Variants in EXT2 observed in about 807,000 individuals in gnomAD.
EXT2 encodes exostosin-2.
In EXT2, 53 loss-of-function variants were observed where a neutral mutation model predicts 81.6. The observed-to-expected ratio is 0.65, with a 90% CI of 0.52 to 0.82. The LOEUF (loss-of-function observed/expected upper bound fraction) is 0.82. Ranked by LOEUF, EXT2 falls within the 40% of genes least tolerant of loss-of-function variation. The pLI is 0.00. For synonymous variants in EXT2, 320 were observed against 340.0 expected (o/e 0.94, Z 0.65); for missense variants, 774 against 910.2 (o/e 0.85, Z 1.93).
intron 7 of EXT2, among the ~76,000 whole-genome samples, chr11:44,142,731 G>GA (rs1357705447): frequency 3.3e-5 from 5 of 152,152 alleles, no homozygotes; most frequent in African/African-American, 4.8e-5. Context: ...TCTGGCATTT[G>GA]ATGGGAATGA....
intron 10 of EXT2, among the ~76,000 whole-genome samples, chr11:44,218,071 G>A (rs905960694): frequency 2.6e-5 from 4 of 152,142 alleles, no homozygotes; most frequent in African/African-American, 9.7e-5. Flanking sequence ...TACAACCTGG[G>A]CATCTTGTAG....
At chr11:44,157,941 A>G (rs1289269181) in intron 7 of EXT2, among the ~76,000 whole-genome samples, 1 of 152,176 alleles carries the variant, frequency 6.6e-6, no homozygotes, top group African/African-American at 2.4e-5. Context: ...AGCAGACTGA[A>G]TCCTACCAGC....
intron 7 of EXT2, among the ~76,000 whole-genome samples, chr11:44,160,494 G>A (rs910791029): frequency 6.6e-6 from 1 of 152,140 alleles, no homozygotes; most frequent in Admixed American, 6.5e-5. Context: ...TTTAGTAGAT[G>A]GAAGAACATG....
chr11:44,201,575 G>C (rs994318198), intron 9 of EXT2, among the ~76,000 whole-genome samples: 2 of 152,108 alleles, frequency 1.3e-5, no homozygotes, highest in Non-Finnish European at 2.9e-5. Flanking sequence ...AAGCCCCTCT[G>C]TGTCTATTTA....
At chr11:44,189,126 A>C (rs1955357311) in intron 8 of EXT2, among the ~76,000 whole-genome samples, 2 of 152,238 alleles carry the variant, frequency 1.3e-5, no homozygotes, top group African/African-American at 4.8e-5. Flanking sequence ...TTCAGATATC[A>C]GTCATGGTAC....
intron 8 of EXT2, among the ~76,000 whole-genome samples, chr11:44,190,449 C>T (rs938810777): frequency 6.6e-6 from 1 of 152,128 alleles, no homozygotes; most frequent in Non-Finnish European, 1.5e-5. Flanking sequence ...GTATAGCAGG[C>T]CTGTCCTCTT....
intron 7 of EXT2, among the ~76,000 whole-genome samples, chr11:44,142,519 C>A (rs1435820463): frequency 1.3e-5 from 2 of 152,126 alleles, no homozygotes; most frequent in African/African-American, 4.8e-5. Flanking sequence ...CCTTCAGATT[C>A]CAATACTTTC....
chr11:44,178,783 TA>T (rs1955193746), intron 8 of EXT2, among the ~76,000 whole-genome samples: 1 of 145,482 alleles, frequency 6.9e-6, no homozygotes, highest in African/African-American at 2.6e-5. Flanking sequence ...ATCTTCCTCC[TA>T]CTGCCTAGAT....
intron 10 of EXT2, among the ~76,000 whole-genome samples, chr11:44,209,107 G>T (rs1955617445): frequency 6.6e-6 from 1 of 152,140 alleles, no homozygotes; most frequent in African/African-American, 2.4e-5. Context: ...ACATAAAATG[G>T]TAATGACAAT....
chr11:44,237,460 A>C (rs1036192786), intron 13 of EXT2, among the ~76,000 whole-genome samples: 1 of 152,192 alleles, frequency 6.6e-6, no homozygotes, highest in Non-Finnish European at 1.5e-5. Flanking sequence ...CACTGGTATC[A>C]TAAGTATTTC....
intron 7 of EXT2, among the ~76,000 whole-genome samples, chr11:44,170,933 C>T (rs1294862235): frequency 3.3e-5 from 5 of 152,106 alleles, no homozygotes; most frequent in African/African-American, 7.2e-5. Context: ...GAAGAAATAA[C>T]GCTGATCTTG....
chr11:44,251,125 A>T lies in EXT2; in HGVS notation c.*6838A>T, dbSNP rs1231589173. ...TCACCAGTTGGTTTGATATCTTACA[A>T]CTTGGCCAAATGAGGGTTCCATTAA... On this transcript the variant is annotated 3_prime_UTR_variant, in exon 14 of 14. Coordinates refer to ENST00000533608, the MANE Select transcript of EXT2 (RefSeq NM_207122.2). Among the ~76,000 whole-genome samples the T allele has an allele frequency of 6.6e-6, 1 of 152,148 alleles. No homozygotes were observed. Among genetic ancestry groups the T allele is most frequent in the African/African-American group, 2.4e-5 (1 of 41,428 alleles).
intron 8 of EXT2, among the ~76,000 whole-genome samples, chr11:44,195,500 G>A (rs941423193): frequency 6.6e-6 from 1 of 152,066 alleles, no homozygotes; most frequent in African/African-American, 2.4e-5. Flanking sequence ...TCTAATTATA[G>A]CATGTTGTGG....
chr11:44,199,016 A>T (rs890574191), intron 9 of EXT2, among the ~76,000 whole-genome samples: 2 of 152,184 alleles, frequency 1.3e-5, no homozygotes, highest in African/African-American at 4.8e-5. Flanking sequence ...TGAGAGAATC[A>T]TATGCTTTCT....
In EXT2 at chr11:44,130,114, A is replaced by G; in HGVS notation, c.1149A>G (p.Arg383=). ...GTATTTTGCAGAGCATCCCCCAAAG[A>G]CAGATTGAAGAAATGCAGAGACAGG... The part of the protein sequence containing the change: ...VYSILQSIPQ[R]QIEEMQRQAR... The change falls in exon 7 of 14, where the codon AGA becomes AGG. Residue 383 remains arginine, a synonymous_variant. Coordinates refer to ENST00000533608, the MANE Select transcript of EXT2 (RefSeq NM_207122.2). The G allele has an allele frequency of 1.2e-6, 2 of 1,614,100 alleles. No homozygotes were observed. Among genetic ancestry groups the G allele is most frequent in the Admixed American group, 1.7e-5 (1 of 60,014 alleles).
rs547588778 is a variant in EXT2 at position 44,189,209 on chromosome 11, G to A, written c.1306-8620G>A. The stretch of plus-strand genomic sequence containing the variant: ...ACTTATGAGCAAATTGCTGTAAATA[G>A]GTTTCAGGAGCTTTAAGTTGATAAT... On this transcript the variant is annotated intron_variant, in intron 8 of 13. Transcript: ENST00000533608. Among the ~76,000 whole-genome samples the A allele has an allele frequency of 3.3e-5, 5 of 152,282 alleles. No homozygotes were observed. The East Asian group carries it at 9.6e-4, about 29-fold the overall frequency.
At chr11:44,104,916 G>C (rs1954033881) in intron 1 of EXT2, 1 of 152,200 alleles carries the variant, frequency 6.6e-6, no homozygotes, top group Non-Finnish European at 1.5e-5. Context: ...AGTGACTGAT[G>C]TATATACTCC....
chr11:44,109,318 G>T (rs752797938), intron 3 of EXT2, 35 bp downstream of exon 3: 3 of 1,527,618 alleles, frequency 2.0e-6, no homozygotes, highest in South Asian at 1.1e-5. Context: ...CTTATGATGG[G>T]TTCAAGATCA....
chr11:44,132,599 C>T (rs1353323237), intron 7 of EXT2, among the ~76,000 whole-genome samples: 1 of 152,140 alleles, frequency 6.6e-6, no homozygotes, highest in Non-Finnish European at 1.5e-5. Flanking sequence ...CTTATCCCTA[C>T]CAAGAACATT....
Sources: gnomAD v4.1 joint callset for allele counts (sites outside exome capture counted in the v4.1 genomes callset) on GRCh38, gnomAD v4.1.1 for gene constraint, MANE v1.5 for transcripts, NCBI Gene and HGNC (gene_info 2026-07-23, HGNC 2026-07-21) for gene names.